FGF14: variants seen among roughly 807,000 people sequenced by gnomAD.
FGF14 encodes the protein fibroblast growth factor homologous factor 4.
A neutral mutation model predicts 25.5 loss-of-function variants in FGF14; 5 were observed. The observed-to-expected ratio is 0.20, with a 90% confidence interval of 0.10 to 0.41. FGF14 has a LOEUF of 0.41. Among genes scored for constraint, FGF14 ranks in the 10% least tolerant of loss-of-function variants. The pLI is 1.00. For missense variants in FGF14, 222 were observed against 320.1 expected (o/e 0.69, Z 2.34); for synonymous variants, 138 against 118.3 (o/e 1.17, Z -1.08).
At chr13:102,166,770 T>C (rs1224983535) in intron 1 of FGF14, among the ~76,000 whole-genome samples, 2 of 152,136 alleles carry the variant, frequency 1.3e-5, no homozygotes, top group African/African-American at 4.8e-5. Context: ...CGTCTTCCAA[T>C]AGAAACACAT....
intron 1 of FGF14, among the ~76,000 whole-genome samples, chr13:102,147,069 T>C (rs745544863): frequency 6.6e-6 from 1 of 152,222 alleles, no homozygotes; most frequent in African/African-American, 2.4e-5. Context: ...CCCCACAGAA[T>C]ATATTATGGT....
chr13:101,797,850 T>TA (rs1237413508), intron 3 of FGF14, among the ~76,000 whole-genome samples: 1 of 150,468 alleles, frequency 6.6e-6, no homozygotes, highest in African/African-American at 2.4e-5. Context: ...TTAGGAACCT[T>TA]CAAAAAACCA....
intron 3 of FGF14, among the ~76,000 whole-genome samples, chr13:101,865,080 C>A (rs574122781): frequency 3.9e-5 from 6 of 152,070 alleles, no homozygotes; most frequent in Admixed American, 3.3e-4. Context: ...GTCTCTTTTA[C>A]GTCCTTCTTT....
At chr13:102,273,789 A>G (rs1236579390) in intron 1 of FGF14, among the ~76,000 whole-genome samples, 1 of 152,030 alleles carries the variant, frequency 6.6e-6, no homozygotes, top group African/African-American at 2.4e-5. Flanking sequence ...TAATACAAAA[A>G]TTAGCAGGGC....
chr13:101,960,539 T>C (rs1341991352), intron 1 of FGF14, among the ~76,000 whole-genome samples: 1 of 152,244 alleles, frequency 6.6e-6, no homozygotes, highest in Non-Finnish European at 1.5e-5. Flanking sequence ...TTTTTATGGC[T>C]GCAAAGTTTT....
At chr13:101,910,537 T>C (rs184686479) in intron 1 of FGF14, among the ~76,000 whole-genome samples, 1 of 152,218 alleles carries the variant, frequency 6.6e-6, no homozygotes, top group Non-Finnish European at 1.5e-5. Context: ...GAAACATACA[T>C]TCCACAAAAT....
intron 1 of FGF14, among the ~76,000 whole-genome samples, chr13:101,954,248 T>G (rs1209107119): frequency 1.3e-5 from 2 of 151,156 alleles, no homozygotes; most frequent in Admixed American, 1.3e-4. Context: ...GACCTTGACT[T>G]GTTCTGTTCA....
Position 101,715,824 on chromosome 13 carries a change from C to A in FGF14, c.*7007G>T. ...GAGTACCTATTAGAAATGAGTTATG[C>A]AAATTTAGATGCAAATAACATTAGA... On this transcript the variant is annotated 3_prime_UTR_variant, in exon 5 of 5. Transcript: ENST00000376143. 2.1e-6 allele frequency: 1 copy of A among 476,060 alleles called. No individual in the cohort carries two copies. Among genetic ancestry groups the A allele is most frequent in the South Asian group, 4.1e-5 (1 of 24,412 alleles). The allele number at this position is 476,060 out of a possible 1,614,324, so 29.5% of individuals were successfully genotyped here. A position where few individuals can be genotyped will look rare whatever the true frequency, so the allele number is the denominator to read the frequency against.
At chr13:102,119,092 A>G (rs1186924094) in intron 1 of FGF14, among the ~76,000 whole-genome samples, 2 of 152,184 alleles carry the variant, frequency 1.3e-5, no homozygotes, top group Non-Finnish European at 2.9e-5. Context: ...CTTGAGTATC[A>G]ATAATAGTGA....
chr13:101,715,385 AAGATT>A lies in FGF14; in HGVS notation c.*7441_*7445del, dbSNP rs1314584628. 3 of 591,204 alleles carry A rather than the reference AAGATT, an allele frequency of 5.1e-6. No individual in the cohort carries two copies. Among genetic ancestry groups the A allele is most frequent in the African/African-American group, 3.7e-5 (2 of 53,414 alleles). The allele number at this position is 591,204 out of a possible 1,614,324, so 36.6% of individuals were successfully genotyped here. On this transcript the variant is annotated 3_prime_UTR_variant, in exon 5 of 5. Transcript: ENST00000376143. The stretch of plus-strand genomic sequence containing the variant: ...CAAATAAATGCCACTAATTGTTTGA[AAGATT>A]AGATGTCTCGCAGCTGCTTAATAAG...
At chr13:101,856,966 G>T (rs4335654) in intron 3 of FGF14, among the ~76,000 whole-genome samples, 41,207 of 151,786 alleles carry the variant, frequency 0.27, 5,880 homozygotes, top group East Asian at 0.53. Flanking sequence ...GGTCCATAGT[G>T]GAAAGGCAGA....
intron 1 of FGF14, among the ~76,000 whole-genome samples, chr13:102,072,207 T>G (rs533706438): frequency 6.6e-6 from 1 of 152,286 alleles, no homozygotes; most frequent in African/African-American, 2.4e-5. Context: ...AGATGGAATT[T>G]CAGGACACAA....
intron 1 of FGF14, among the ~76,000 whole-genome samples, chr13:102,387,730 TGA>T (rs1200335032): frequency 6.6e-6 from 1 of 152,040 alleles, no homozygotes; most frequent in Non-Finnish European, 1.5e-5. Context: ...TTTGGTTTTT[TGA>T]GAGTTTTTGG....
At chr13:102,013,194 AAAG>A (rs2040169743) in intron 1 of FGF14, among the ~76,000 whole-genome samples, 1 of 152,094 alleles carries the variant, frequency 6.6e-6, no homozygotes, top group Admixed American at 6.6e-5. Context: ...CCAGAGATAA[AAAG>A]AAGTAGGACA....
intron 1 of FGF14, among the ~76,000 whole-genome samples, chr13:102,078,147 C>T (rs1334099824): frequency 6.6e-6 from 1 of 151,958 alleles, no homozygotes; most frequent in East Asian, 1.9e-4. Context: ...GGTGGGGGCT[C>T]AGAAGATTTT....
At chr13:101,759,134 C>T (rs899399686) in intron 3 of FGF14, among the ~76,000 whole-genome samples, 5 of 152,122 alleles carry the variant, frequency 3.3e-5, no homozygotes, top group African/African-American at 9.7e-5. Context: ...TCCAAACACA[C>T]GTTGATTTGG....
chr13:101,842,704 C>T (rs929679139), intron 3 of FGF14, among the ~76,000 whole-genome samples: 7 of 152,118 alleles, frequency 4.6e-5, no homozygotes, highest in South Asian at 4.1e-4. Flanking sequence ...CAGATCTGAC[C>T]AGCATGACTC....
chr13:102,003,393 C>A (rs1159544384), intron 1 of FGF14: 2 of 152,122 alleles, frequency 1.3e-5, no homozygotes, highest in Non-Finnish European at 2.9e-5. Flanking sequence ...ACTTGAGGGA[C>A]TGAAATAAAT....
At chr13:101,855,751 G>A (rs775079996) in intron 3 of FGF14, among the ~76,000 whole-genome samples, 21 of 151,874 alleles carry the variant, frequency 1.4e-4, no homozygotes, top group Admixed American at 5.9e-4. Context: ...ACTGGCTTTC[G>A]TGGCTCAGAG....
Sources: gnomAD v4.1 joint callset for allele counts (sites outside exome capture counted in the v4.1 genomes callset) on GRCh38, gnomAD v4.1.1 for gene constraint, MANE v1.5 for transcripts, NCBI Gene and HGNC (gene_info 2026-07-23, HGNC 2026-07-21) for gene names.